The following MUC12 variants were observed in gnomAD, a reference collection of about 807,000 sequenced individuals.
MUC12 encodes the protein mucin-12.
In MUC12, 172 loss-of-function variants were observed where a neutral mutation model predicts 230.8. The ratio of observed to expected loss-of-function variants is 0.75; its 90% CI spans 0.66 to 0.85. MUC12 has a LOEUF of 0.85. MUC12 is among the 40% of genes least tolerant of loss of function. MUC12 has a pLI of 0.00. For missense variants in MUC12, 3,506 were observed against 5,920.6 expected, an observed-to-expected ratio of 0.59 and a Z score of 13.38; for synonymous variants, 1,259 against 2,401.9, an observed-to-expected ratio of 0.52 and a Z score of 13.91.
intron 1 of MUC12, among the ~76,000 whole-genome samples, chr7:100,978,248 G>T (rs1236107361): frequency 1.3e-5 from 2 of 152,192 alleles, no homozygotes; most frequent in East Asian, 3.9e-4. Context: ...CCATTGGTGT[G>T]TGCAGGGGTT....
chr7:101,015,678 G>A lies in MUC12; in HGVS notation c.15864G>A (p.Thr5288=), dbSNP rs1265321785. The A allele has an allele frequency of 3.9e-6, 6 of 1,537,418 alleles. No individual in the cohort carries two copies. The Admixed American group carries it at 5.9e-5, about 15-fold the overall frequency. Residue 5288 remains threonine (T), a synonymous_variant, in exon 10 of 12, where the codon ACG becomes ACA. Transcript: ENST00000536621. ...GCACCCCTGGCATCTTCCAGAAGAC[G>A]GCCATCTGGGAAGGTACCTCTAGTT... ...KEGTPGIFQK[T]AIWEDQNLRE...
At chr7:101,013,591 C>T (rs1280553581) in intron 8 of MUC12, among the ~76,000 whole-genome samples, 1 of 152,152 alleles carries the variant, frequency 6.6e-6, no homozygotes, top group East Asian at 1.9e-4. Context: ...AAAGAAAAAC[C>T]ATGATAACAG....
chr7:101,013,090 A>G lies in MUC12; in HGVS notation c.15586A>G (p.Met5196Val). 1.3e-6 allele frequency: 2 copies of G among 1,537,276 alleles called. No individual in the cohort carries two copies. Among genetic ancestry groups the G allele is most frequent in the Non-Finnish European group, 1.7e-6 (2 of 1,146,910 alleles). Reference sequence around the variant, plus strand: ...GTGCACCAAAGGAACGAAGTCGCAAATGAACTGTAACCTGGGCACATGTCA... The same window carrying G: ...GTGCACCAAAGGAACGAAGTCGCAAGTGAACTGTAACCTGGGCACATGTCA... ...NKCTKGTKSQ[M>V]NCNLGTCQLQ... The change falls in exon 8 of 12, where the codon ATG (methionine) becomes GTG (valine). Residue 5196 changes from methionine to valine, a missense_variant. Met to Val is a conservative substitution (Grantham distance 21). Transcript: ENST00000536621.
Position 101,004,745 on chromosome 7 carries a change from A to T in MUC12, c.14182A>T (p.Thr4728Ser), listed in dbSNP as rs568330454. 7.7e-5 allele frequency: 119 copies of T among 1,536,968 alleles called. 1 individual carries two copies. The African/African-American group carries it at 1.2e-3, about 15-fold the overall frequency. The change falls in exon 2 of 12, where the codon ACT becomes TCT. Residue 4728 changes from threonine (T) to serine (S), a missense_variant. By Grantham distance (58) the Thr-to-Ser change is moderately conservative. Transcript: ENST00000536621. Reference sequence around the variant, plus strand: ...CTCAATGGAAACAACATTAGCCAGCACTGCCACAACACCAGGCCTCAGTGC... The same window carrying T: ...CTCAATGGAAACAACATTAGCCAGCTCTGCCACAACACCAGGCCTCAGTGC... ...PGSMETTLAS[T>S]ATTPGLSAKS...
chr7:100,992,357 C>G lies in MUC12; in HGVS notation c.1794C>G (p.Ala598=). ...ETTLLPDNTT[A]SGLLEASMPV... is the part of the protein sequence containing the mutation. ...CACTCTTACCTGACAACACCACAGC[C>G]TCAGGACTCCTTGAAGCATCTATGC... The change falls in exon 2 of 12, where the codon GCC becomes GCG. Residue 598 remains alanine (A), a synonymous_variant. Transcript: ENST00000536621. 2.6e-6 allele frequency: 4 copies of G among 1,536,738 alleles called. No individual in the cohort carries two copies. Among genetic ancestry groups the G allele is most frequent in the Non-Finnish European group, 3.5e-6 (4 of 1,146,048 alleles).
At chr7:100,972,670 T>C (rs1308085654) in intron 1 of MUC12, among the ~76,000 whole-genome samples, 1 of 152,070 alleles carries the variant, frequency 6.6e-6, no homozygotes, top group African/African-American at 2.4e-5. Flanking sequence ...GCTCAGCTAA[T>C]TTTTTTGTGT....
chr7:100,972,490 C>T (rs902476707), intron 1 of MUC12, among the ~76,000 whole-genome samples: 3 of 152,264 alleles, frequency 2.0e-5, no homozygotes, highest in African/African-American at 4.8e-5. Flanking sequence ...AGATCAGAGA[C>T]GATCAGTGGC....
chr7:100,977,237 C>T (rs111915497), intron 1 of MUC12, among the ~76,000 whole-genome samples: 1 of 152,138 alleles, frequency 6.6e-6, no homozygotes, highest in South Asian at 2.1e-4. Flanking sequence ...TTAACAAACA[C>T]TATTGGTGGC....
chr7:100,988,740 G>A (rs900485903), intron 1 of MUC12, among the ~76,000 whole-genome samples: 9 of 152,272 alleles, frequency 5.9e-5, no homozygotes, highest in African/African-American at 2.2e-4. Context: ...TGTCAGACCA[G>A]ATATGGTTTG....
Position 101,015,706 on chromosome 7 carries a change from G to A in MUC12, c.15877+15G>A. 1 of 1,536,428 alleles carries A rather than the reference G, an allele frequency of 6.5e-7. No homozygotes were observed. Among genetic ancestry groups the A allele is most frequent in the Non-Finnish European group, 8.7e-7 (1 of 1,145,962 alleles). On this transcript the variant is annotated intron_variant, in intron 10 of 11. Transcript: ENST00000536621. ...CATCTGGGAAGGTACCTCTAGTTAA[G>A]GGCAAGGAGATGAGCAGAGCTGGAG...
chr7:101,017,740 C>T (rs1323927337), intron 11 of MUC12, 77 bp downstream of exon 11: 2 of 1,051,226 alleles, frequency 1.9e-6, no homozygotes, highest in East Asian at 3.8e-5. Context: ...CCCGGGACTC[C>T]CTTCTCCCCC....
chr7:100,973,760 T>C (rs1454200020), intron 1 of MUC12, among the ~76,000 whole-genome samples: 2 of 152,196 alleles, frequency 1.3e-5, no homozygotes, highest in Non-Finnish European at 2.9e-5. Context: ...GCCTTCAAGA[T>C]TTTCTCTTCA....
chr7:100,986,711 C>G (rs1793196592), intron 1 of MUC12, among the ~76,000 whole-genome samples: 2 of 152,124 alleles, frequency 1.3e-5, no homozygotes, highest in African/African-American at 4.8e-5. Context: ...GAGGACTGAA[C>G]CGTCTCCTCT....
chr7:100,992,106 T>C lies in MUC12; in HGVS notation c.1543T>C (p.Ser515Pro). The change falls in exon 2 of 12, where the codon TCA becomes CCA. Residue 515 changes from serine (S) to proline (P), a missense_variant. Transcript: ENST00000536621. ...TTHLPASMTS[S>P]GVSEESTTSH... ...ACACTTACCTGCCAGCATGACAAGC[T>C]CAGGCGTCAGTGAAGAATCCACCAC... 1.3e-6 allele frequency: 2 copies of C among 1,537,304 alleles called. No homozygotes were observed. The highest frequency in any genetic ancestry group is 4.9e-5 in the East Asian group (2 of 40,874).
At chr7:101,007,998 G>T (rs1405502719) in intron 3 of MUC12, among the ~76,000 whole-genome samples, 1 of 151,158 alleles carries the variant, frequency 6.6e-6, no homozygotes, top group African/African-American at 2.4e-5. Context: ...TAGAGATGGG[G>T]TTTCACCGTG....
At chr7:101,009,767 G>A (rs1296481401) in intron 5 of MUC12, among the ~76,000 whole-genome samples, 1 of 152,170 alleles carries the variant, frequency 6.6e-6, no homozygotes, top group Non-Finnish European at 1.5e-5. Flanking sequence ...TGCAGCAGAG[G>A]GAATCGATGA....
At position 100,995,321 on chromosome 7, in the gene MUC12, G is replaced by T. The variant is rs568332699; in HGVS notation, c.4758G>T (p.Thr1586=). 3 of 1,529,428 alleles carry T rather than the reference G, an allele frequency of 2.0e-6. No individual in the cohort carries two copies. Among genetic ancestry groups the T allele is most frequent in the Non-Finnish European group, 2.6e-6 (3 of 1,144,762 alleles). The allele number at this position is 1,529,428 out of a possible 1,614,324, so 94.7% of individuals were successfully genotyped here. Residue 1586 remains threonine, a synonymous_variant, in exon 2 of 12, where the codon ACG becomes ACT. Coordinates refer to ENST00000536621, the MANE Select transcript of MUC12 (RefSeq NM_001164462.2). ...CCTCCCACAGCCGACCAGGCTCAAC[G>T]CACACAACAGCATTCCCTGGCAGTA... is the stretch of plus-strand genomic sequence containing the variant. ...STTSHSRPGS[T]HTTAFPGSTT... is the part of the protein sequence containing the mutation.
chr7:100,983,190 C>T lies in MUC12; in HGVS notation c.68-7441C>T, dbSNP rs192288645. ...ATCCCAGCACTTTAGGAGGCCAAGG[C>T]GGGTGGATCATGTGAGGTCAGGAGT... is the stretch of plus-strand genomic sequence containing the variant. On this transcript the variant is annotated intron_variant, in intron 1 of 11. Coordinates refer to ENST00000536621, the MANE Select transcript of MUC12 (RefSeq NM_001164462.2). Among the ~76,000 whole-genome samples the T allele has an allele frequency of 1.2e-3, 177 of 151,258 alleles. 1 individual carries two copies. Among genetic ancestry groups the T allele is most frequent in the Non-Finnish European group, 1.4e-3 (93 of 67,820 alleles).
Position 101,005,212 on chromosome 7 carries a change from C to G in MUC12, c.14649C>G (p.Asp4883Glu). 2 of 1,537,926 alleles carry G rather than the reference C, an allele frequency of 1.3e-6. 1 individual carries two copies. The highest frequency in any genetic ancestry group is 2.4e-5 in the South Asian group (2 of 84,066). ...GTCAACAATCTACACCCTTCCCTGA[C>G]AGCCCAGGCTTCACTCACACAGTGT... Reference protein sequence around the residue: ...IHSQQSTPFPDSPGFTHTVLP... With the variant: ...IHSQQSTPFPESPGFTHTVLP... Residue 4883 changes from aspartate to glutamate, a missense_variant, in exon 2 of 12, where the codon GAC (aspartate) becomes GAG (glutamate). Coordinates refer to ENST00000536621, the MANE Select transcript of MUC12 (RefSeq NM_001164462.2).
Sources: gnomAD v4.1 joint callset for allele counts (sites outside exome capture counted in the v4.1 genomes callset) on GRCh38, gnomAD v4.1.1 for gene constraint, MANE v1.5 for transcripts, NCBI Gene and HGNC (gene_info 2026-07-23, HGNC 2026-07-21) for gene names.